Variants in UMAD1 observed in about 807,000 individuals in gnomAD.
UMAD1 encodes the protein UBAP1-MVB12-associated (UMA)-domain containing protein 1.
In UMAD1, 8 loss-of-function variants were observed where a neutral mutation model predicts 6.1. That is an observed-to-expected ratio of 1.30 (90% CI 0.76 to 2.35). UMAD1 has a LOEUF of 2.35. Among genes scored for constraint, UMAD1 ranks in the 30% most tolerant of loss-of-function variants. The pLI, the probability that UMAD1 is intolerant of heterozygous loss-of-function variation, is 0.00. For missense variants in UMAD1, 130 were observed against 78.4 expected, an observed-to-expected ratio of 1.66 and a Z score of -2.49; for synonymous variants, 56 against 31.4, an observed-to-expected ratio of 1.78 and a Z score of -2.61.
intron 3 of UMAD1, among the ~76,000 whole-genome samples, chr7:7,864,517 CT>C (rs1784188704): frequency 6.6e-6 from 1 of 150,724 alleles, no homozygotes; most frequent in African/African-American, 2.4e-5. Context: ...CACGCCAGTT[CT>C]TCTAACATGC....
At chr7:7,664,521 C>A (rs1007602746) in intron 1 of UMAD1, among the ~76,000 whole-genome samples, 1 of 152,184 alleles carries the variant, frequency 6.6e-6, no homozygotes, top group Non-Finnish European at 1.5e-5. Context: ...GTCTTGATTT[C>A]TGTTGCTTAT....
chr7:7,703,471 T>G (rs1448351513), intron 2 of UMAD1, among the ~76,000 whole-genome samples: 1 of 152,206 alleles, frequency 6.6e-6, no homozygotes, highest in Non-Finnish European at 1.5e-5. Flanking sequence ...TAAATTTTAT[T>G]CATTGTGTGG....
intron 3 of UMAD1, among the ~76,000 whole-genome samples, chr7:7,858,489 A>G (rs1441921262): frequency 6.6e-6 from 1 of 152,216 alleles, no homozygotes; most frequent in African/African-American, 2.4e-5. Context: ...CTTTTAGGTC[A>G]CTTTGGCAGT....
chr7:7,763,549 G>C (rs1000379493), intron 2 of UMAD1, among the ~76,000 whole-genome samples: 4 of 152,156 alleles, frequency 2.6e-5, no homozygotes, highest in African/African-American at 9.7e-5. Context: ...GAGTAACAAA[G>C]ACGTTTGAAT....
chr7:7,861,474 C>G (rs1784114277), intron 3 of UMAD1, among the ~76,000 whole-genome samples: 1 of 152,228 alleles, frequency 6.6e-6, no homozygotes. Context: ...AGTGACACAG[C>G]TTTCTGCTCA....
chr7:7,687,995 G>A (rs1780080031), intron 2 of UMAD1, among the ~76,000 whole-genome samples: 1 of 152,208 alleles, frequency 6.6e-6, no homozygotes, highest in African/African-American at 2.4e-5. Context: ...TGGATGGCTT[G>A]AAGAAGTTGA....
At chr7:7,728,869 C>T (rs1322730175) in intron 2 of UMAD1, among the ~76,000 whole-genome samples, 1 of 152,158 alleles carries the variant, frequency 6.6e-6, no homozygotes, top group African/African-American at 2.4e-5. Context: ...ATGTCAGTGA[C>T]TTTGCTGGGC....
chr7:7,673,608 T>A (rs906508781), intron 2 of UMAD1, among the ~76,000 whole-genome samples, 155 bp downstream of exon 2: 4 of 152,252 alleles, frequency 2.6e-5, no homozygotes, highest in Non-Finnish European at 4.4e-5. Flanking sequence ...AAGATGAAAG[T>A]CATCAATTAC....
intron 2 of UMAD1, among the ~76,000 whole-genome samples, chr7:7,717,920 A>G (rs1410863502): frequency 6.6e-6 from 1 of 152,200 alleles, no homozygotes; most frequent in Non-Finnish European, 1.5e-5. Flanking sequence ...CTATTAATAA[A>G]CTTGATGTTT....
rs201307561 is a variant in UMAD1, at chr7:7,741,578, AAATAATAATAAT to A, written c.83-60065_83-60054del. On this transcript the variant is annotated intron_variant, in intron 2 of 3. Coordinates refer to ENST00000682710, the MANE Select transcript of UMAD1 (RefSeq NM_001302348.2). ...GGCTACAGAGCGAGACAACGTCTCA[AAATAATAATAAT>A]AATAATAATAATAATAATAATAATA... Among the ~76,000 whole-genome samples the A allele has an allele frequency of 2.3e-3, 322 of 139,396 alleles. 1 individual carries two copies. Among genetic ancestry groups the A allele is most frequent in the Non-Finnish European group, 3.9e-3 (254 of 64,780 alleles). The allele number at this position is 139,396 out of a possible 152,430, so 91.4% of individuals were successfully genotyped here. A position where few individuals can be genotyped will look rare whatever the true frequency, so the allele number is the denominator to read the frequency against.
chr7:7,704,878 G>A (rs1371274866), intron 2 of UMAD1, among the ~76,000 whole-genome samples: 1 of 149,258 alleles, frequency 6.7e-6, no homozygotes, highest in Non-Finnish European at 1.5e-5. Flanking sequence ...AAAACGATGT[G>A]TTTTATTTGG....
chr7:7,842,971 G>A (rs552788272), intron 3 of UMAD1, among the ~76,000 whole-genome samples: 1 of 152,136 alleles, frequency 6.6e-6, no homozygotes, highest in Non-Finnish European at 1.5e-5. Flanking sequence ...GAAGGGGGAC[G>A]CTGTGGGCCA....
chr7:7,861,976 C>G (rs945343075), intron 3 of UMAD1, among the ~76,000 whole-genome samples: 1 of 152,120 alleles, frequency 6.6e-6, no homozygotes, highest in Non-Finnish European at 1.5e-5. Flanking sequence ...CATGAAATAA[C>G]TGTATTCATT....
intron 2 of UMAD1, among the ~76,000 whole-genome samples, chr7:7,739,373 T>C (rs1475038150): frequency 2.0e-5 from 3 of 152,210 alleles, no homozygotes; most frequent in South Asian, 4.1e-4. Context: ...TTGGTATTTT[T>C]CTTCGTTACT....
chr7:7,877,532 T>G lies in UMAD1; in HGVS notation c.408T>G (p.Asp136Glu), dbSNP rs1784445577. 2 of 717,268 alleles carry G rather than the reference T, an allele frequency of 2.8e-6. No homozygotes were observed. The allele number at this position is 717,268 out of a possible 1,614,324, so 44.4% of individuals were successfully genotyped here. A position where few individuals can be genotyped will look rare whatever the true frequency, so the allele number is the denominator to read the frequency against. Residue 136 changes from aspartate to glutamate, a missense_variant, in exon 4 of 4, where the codon GAT becomes GAG. Transcript: ENST00000682710. ...DFTLENSVLC[D>E]S ...CTCTTGAAAATTCAGTGCTCTGTGA[T>G]TCATAACCTTTATGTCTGTTTGCAC...
intron 3 of UMAD1, among the ~76,000 whole-genome samples, chr7:7,860,788 ATAAC>A (rs746700234): frequency 4.8e-5 from 3 of 63,024 alleles, no homozygotes; most frequent in African/African-American, 1.2e-4. Context: ...AAAAAAAAAA[ATAAC>A]AAAAAAAATA....
chr7:7,779,179 T>C (rs376149576), intron 2 of UMAD1, among the ~76,000 whole-genome samples: 11 of 152,204 alleles, frequency 7.2e-5, no homozygotes, highest in African/African-American at 2.4e-4. Flanking sequence ...GAGAGATAGG[T>C]TATCCTCTGG....
At chr7:7,788,309 T>C (rs1341712124) in intron 2 of UMAD1, among the ~76,000 whole-genome samples, 1 of 152,162 alleles carries the variant, frequency 6.6e-6, no homozygotes, top group African/African-American at 2.4e-5. Context: ...TGAGTACATA[T>C]TGTTAGCTGG....
Position 7,777,574 on chromosome 7 carries a change from AATATAT to A in UMAD1, c.83-24073_83-24068del, listed in dbSNP as rs58039932. ...ATTTATGTCATTTCATACATGAGCA[AATATAT>A]ATATATATATATATATATATATGTA... On this transcript the variant is annotated intron_variant, in intron 2 of 3. Transcript: ENST00000682710. Among the ~76,000 whole-genome samples, 86 of 113,518 alleles carry A rather than the reference AATATAT, an allele frequency of 7.6e-4. 2 individuals are homozygous for A. Among genetic ancestry groups the A allele is most frequent in the East Asian group, 9.2e-4 (4 of 4,356 alleles). The allele number at this position is 113,518 out of a possible 152,430, so 74.5% of individuals were successfully genotyped here.
Sources: gnomAD v4.1 joint callset for allele counts (sites outside exome capture counted in the v4.1 genomes callset) on GRCh38, gnomAD v4.1.1 for gene constraint, MANE v1.5 for transcripts, NCBI Gene and HGNC (gene_info 2026-07-23, HGNC 2026-07-21) for gene names.